The following ADGRB3 variants were observed in gnomAD, a reference collection of about 807,000 sequenced individuals.
ADGRB3 encodes the protein brain-specific angiogenesis inhibitor 3.
In ADGRB3, 37 loss-of-function variants were observed where a neutral mutation model predicts 193.4. That is an observed-to-expected ratio of 0.19 (90% CI 0.15 to 0.25). ADGRB3 has a LOEUF of 0.25. Ranked by LOEUF, ADGRB3 falls within the 10% of genes least tolerant of loss-of-function variation. The pLI is 1.00. For missense variants in ADGRB3, 1,637 were observed against 1,852.9 expected, an observed-to-expected ratio of 0.88 and a Z score of 2.14; for synonymous variants, 690 against 644.2, an observed-to-expected ratio of 1.07 and a Z score of -1.08.
intron 17 of ADGRB3, among the ~76,000 whole-genome samples, chr6:69,170,650 G>A (rs981364738): frequency 6.6e-6 from 1 of 152,168 alleles, no homozygotes; most frequent in South Asian, 2.1e-4. Flanking sequence ...CTGATATATA[G>A]AAAAGGTGTT....
rs547695267 is a variant in ADGRB3 at position 69,307,434 on chromosome 6, C to A, written c.2815-17438C>A. Among the ~76,000 whole-genome samples the A allele has an allele frequency of 2.6e-5, 4 of 151,630 alleles. No homozygotes were observed. In the South Asian group the frequency reaches 8.3e-4, roughly 31 times the overall value. ...AAATTTCACAGTCTCTGGCTTTTGA[C>A]TAATTTCAATATTGGTACATTTTGA... On this transcript the variant is annotated intron_variant, in intron 20 of 31. Coordinates refer to ENST00000370598, the MANE Select transcript of ADGRB3 (RefSeq NM_001704.3).
intron 3 of ADGRB3, among the ~76,000 whole-genome samples, chr6:68,752,962 G>A (rs909038208): frequency 6.6e-6 from 1 of 152,156 alleles, no homozygotes; most frequent in Non-Finnish European, 1.5e-5. Flanking sequence ...GGAAAGTGAA[G>A]GAGTTTGTTC....
At chr6:68,706,795 A>T (rs1207113583) in intron 3 of ADGRB3, among the ~76,000 whole-genome samples, 4 of 152,172 alleles carry the variant, frequency 2.6e-5, no homozygotes, top group African/African-American at 9.7e-5. Flanking sequence ...GTCTACCCAT[A>T]GCTAGTCGTT....
chr6:69,084,621 T>C (rs2150315468), intron 17 of ADGRB3, among the ~76,000 whole-genome samples: 1 of 152,266 alleles, frequency 6.6e-6, no homozygotes, highest in Non-Finnish European at 1.5e-5. Flanking sequence ...TTATAGGAGA[T>C]AGGGGCTTTC....
chr6:69,158,219 C>T (rs1385850108), intron 17 of ADGRB3, among the ~76,000 whole-genome samples: 24 of 150,830 alleles, frequency 1.6e-4, no homozygotes, highest in Non-Finnish European at 1.0e-4. Context: ...ATTTATTTTC[C>T]CCCTCACACC....
chr6:68,766,824 A>C (rs2127353935), intron 3 of ADGRB3, among the ~76,000 whole-genome samples: 1 of 152,152 alleles, frequency 6.6e-6, no homozygotes, highest in Non-Finnish European at 1.5e-5. Context: ...CTGCAAATAT[A>C]TAGTATCTGT....
chr6:69,031,029 C>T (rs1274306997), intron 13 of ADGRB3, among the ~76,000 whole-genome samples: 804 of 42,668 alleles, frequency 0.019, 122 homozygotes, highest in Non-Finnish European at 0.029. Flanking sequence ...TTTTTTTCCT[C>T]TTCTCTTCTC....
intron 20 of ADGRB3, among the ~76,000 whole-genome samples, chr6:69,274,918 G>T (rs1767268899): frequency 6.6e-6 from 1 of 152,092 alleles, no homozygotes; most frequent in African/African-American, 2.4e-5. Context: ...TACTATTTGT[G>T]CTTCCCCAAC....
At chr6:68,755,288 A>G (rs1362602316) in intron 3 of ADGRB3, among the ~76,000 whole-genome samples, 2 of 152,192 alleles carry the variant, frequency 1.3e-5, no homozygotes, top group East Asian at 1.9e-4. Context: ...GCTGACATCA[A>G]TGAGGATGAT....
At chr6:68,824,707 C>T (rs1767810383) in intron 3 of ADGRB3, among the ~76,000 whole-genome samples, 1 of 149,690 alleles carries the variant, frequency 6.7e-6, no homozygotes, top group Non-Finnish European at 1.5e-5. Flanking sequence ...ATATTTGTAT[C>T]TGTTCTTCTG....
chr6:69,102,527 CA>C (rs537422925), intron 17 of ADGRB3, among the ~76,000 whole-genome samples: 65 of 152,254 alleles, frequency 4.3e-4, no homozygotes, highest in African/African-American at 1.4e-3. Flanking sequence ...CATTAGGGAT[CA>C]GGGGTTGCTG....
chr6:68,745,659 AT>A (rs1766069313), intron 3 of ADGRB3, among the ~76,000 whole-genome samples: 1 of 151,758 alleles, frequency 6.6e-6, no homozygotes, highest in South Asian at 2.1e-4. Context: ...ATGTAATCTT[AT>A]TTATTTTGAA....
At position 69,011,924 on chromosome 6, in the gene ADGRB3, C is replaced by T. The variant is rs148611108; in HGVS notation, c.1930-2114C>T. On this transcript the variant is annotated intron_variant, in intron 11 of 31. Transcript: ENST00000370598. The stretch of plus-strand genomic sequence containing the variant: ...AATAGTGAGAACAAATAACTTTATT[C>T]TGTACTGCCTTCCCACTCCGATTTA... Among the ~76,000 whole-genome samples the T allele has an allele frequency of 7.0e-4, 106 of 152,152 alleles. No individual in the cohort carries two copies. The East Asian group carries it at 0.019, about 27-fold the overall frequency.
intron 3 of ADGRB3, among the ~76,000 whole-genome samples, chr6:68,686,634 C>T (rs543332043): frequency 1.6e-4 from 24 of 152,246 alleles, no homozygotes; most frequent in African/African-American, 5.1e-4. Context: ...CAGTCAAAAT[C>T]GGGTAAGCTG....
chr6:68,913,680 A>G (rs1055855741), intron 3 of ADGRB3, among the ~76,000 whole-genome samples: 2 of 152,234 alleles, frequency 1.3e-5, no homozygotes, highest in African/African-American at 4.8e-5. Context: ...GCAACGGAAC[A>G]AAGCTGGACG....
At chr6:69,032,057 G>C (rs1242690041) in intron 13 of ADGRB3, among the ~76,000 whole-genome samples, 1 of 152,182 alleles carries the variant, frequency 6.6e-6, no homozygotes, top group Admixed American at 6.5e-5. Flanking sequence ...CAGTTCAAGA[G>C]ATCTTCAGAG....
intron 5 of ADGRB3, among the ~76,000 whole-genome samples, chr6:68,938,829 A>G (rs1409428564): frequency 6.6e-6 from 1 of 152,192 alleles, no homozygotes; most frequent in African/African-American, 2.4e-5. Context: ...TATGTCCTTG[A>G]CAATGAGAAA....
intron 17 of ADGRB3, among the ~76,000 whole-genome samples, chr6:69,129,370 T>G (rs186381727): frequency 6.6e-6 from 1 of 151,934 alleles, no homozygotes; most frequent in Non-Finnish European, 1.5e-5. Flanking sequence ...AAAGACAGAA[T>G]AAGGAAGTTA....
intron 11 of ADGRB3, among the ~76,000 whole-genome samples, chr6:68,999,423 C>T (rs1769498463): frequency 6.6e-6 from 1 of 151,984 alleles, no homozygotes; most frequent in South Asian, 2.1e-4. Flanking sequence ...CGCCACCACG[C>T]CCCGCTAATT....
Sources: gnomAD v4.1 joint callset for allele counts (sites outside exome capture counted in the v4.1 genomes callset) on GRCh38, gnomAD v4.1.1 for gene constraint, MANE v1.5 for transcripts, NCBI Gene and HGNC (gene_info 2026-07-23, HGNC 2026-07-21) for gene names.